Variants in SDAD1 observed in about 807,000 individuals in gnomAD.
SDAD1 encodes SDA1 domain containing 1.
In SDAD1, 79 loss-of-function variants were observed where a neutral mutation model predicts 100.3. The observed-to-expected ratio is 0.79, with a 90% CI of 0.66 to 0.95. The LOEUF (loss-of-function observed/expected upper bound fraction) is 0.95, where lower values mean the gene tolerates loss of function less well. Ranked by LOEUF, SDAD1 falls within the 40% of genes least tolerant of loss-of-function variation. The pLI is 0.00. For missense variants in SDAD1, 790 were observed against 810.9 expected, an observed-to-expected ratio of 0.97 and a Z score of 0.31; for synonymous variants, 267 against 271.4, an observed-to-expected ratio of 0.98 and a Z score of 0.16.
rs949090683 is a variant in SDAD1 at position 75,950,021 on chromosome 4, GAACTA to G, written c.*724_*728del. On this transcript the variant is annotated 3_prime_UTR_variant, in exon 22 of 22. Transcript: ENST00000356260. ...CCAGTATGAAGGCAGCTCAAATGATGAACTAAATATATTCCAAAGGTACTATTTAT... is the reference window on the plus strand; with the variant it reads ...CCAGTATGAAGGCAGCTCAAATGATGAATATATTCCAAAGGTACTATTTAT... 7 of 149,498 alleles carry G rather than the reference GAACTA, an allele frequency of 4.7e-5. No homozygotes were observed. Among genetic ancestry groups the G allele is most frequent in the African/African-American group, 1.7e-4 (7 of 40,498 alleles). 9.3% of individuals were successfully genotyped at this position (149,498 alleles called of 1,614,324 possible). A position where few individuals can be genotyped will look rare whatever the true frequency, so the allele number is the denominator to read the frequency against.
chr4:75,954,452 T>C lies in SDAD1; in HGVS notation c.2016+1523A>G, dbSNP rs571845485. 3.3e-5 allele frequency among the ~76,000 whole-genome samples: 5 copies of C among 151,012 alleles called. No homozygotes were observed. In the East Asian group the frequency reaches 7.8e-4, roughly 24 times the overall value. ...CTATGGGAGGCTGAGGTGGACAGAC[T>C]GCTTGAGTCCAGCAGTTTGAAACCA... On this transcript the variant is annotated intron_variant, in intron 21 of 21. Transcript: ENST00000356260.
intron 4 of SDAD1, among the ~76,000 whole-genome samples, chr4:75,977,438 A>G (rs1330736878): frequency 6.6e-6 from 1 of 152,212 alleles, no homozygotes; most frequent in Admixed American, 6.5e-5. Flanking sequence ...TGAGTAAATG[A>G]GTAAATACAC....
intron 17 of SDAD1, among the ~76,000 whole-genome samples, chr4:75,959,580 G>A (rs1729114306): frequency 6.6e-6 from 1 of 152,000 alleles, no homozygotes; most frequent in Non-Finnish European, 1.5e-5. Flanking sequence ...CTCCAGCCTG[G>A]GCAAGAGCGA....
chr4:75,961,423 T>A, intron 14 of SDAD1, 115 bp from the exon 15 acceptor site: 1 of 740,196 alleles, frequency 1.4e-6, no homozygotes, highest in Non-Finnish European at 2.2e-6. Context: ...GAGTTTTATA[T>A]AGCTTAGGTC....
At position 75,975,985 on chromosome 4, in the gene SDAD1, G is replaced by C. The variant is rs1231792938; in HGVS notation, c.416C>G (p.Thr139Arg). The change falls in exon 5 of 22, where the codon ACA becomes AGA. Residue 139 changes from threonine (T) to arginine (R), a missense_variant. Thr to Arg is a moderately conservative substitution (Grantham distance 71, BLOSUM62 -1). Coordinates refer to ENST00000356260, the MANE Select transcript of SDAD1 (RefSeq NM_018115.4). ...HDKLLRKTLY[T>R]HIVTDIKNIN... The stretch of plus-strand genomic sequence containing the variant: ...ATTCTTGATATCAGTCACAATATGT[G>C]TGTATAAAGTCTGAGGAAAAGAAAC... 2.5e-6 allele frequency: 4 copies of C among 1,596,314 alleles called. No homozygotes were observed. The highest frequency in any genetic ancestry group is 3.4e-6 in the Non-Finnish European group (4 of 1,164,420).
intron 3 of SDAD1, among the ~76,000 whole-genome samples, chr4:75,980,478 T>G (rs572339672): frequency 1.3e-5 from 2 of 152,212 alleles, no homozygotes; most frequent in Admixed American, 6.5e-5. Context: ...GTAAAGAGGT[T>G]TGAAAAGCAG....
At position 75,950,798 on chromosome 4, in the gene SDAD1, C is replaced by G. The variant is rs1202652739; in HGVS notation, c.2017-1G>C. The G allele has an allele frequency of 2.5e-6, 4 of 1,576,254 alleles. No homozygotes were observed. The Admixed American group carries it at 6.8e-5, about 27-fold the overall frequency. On this transcript the variant is annotated splice_acceptor_variant, in intron 21 of 21. Transcript: ENST00000356260. LOFTEE classifies it high-confidence loss of function. Reference sequence around the variant, plus strand: ...TCAAAAGTGCATCTCGTAGTGCCAACTGTAAGATAAAAAAGTATTGAAACA... The same window carrying G: ...TCAAAAGTGCATCTCGTAGTGCCAAGTGTAAGATAAAAAAGTATTGAAACA...
At chr4:75,959,985 T>C in intron 17 of SDAD1, 81 bp downstream of exon 17, 1 of 1,410,528 alleles carries the variant, frequency 7.1e-7, no homozygotes, top group South Asian at 1.5e-5. Flanking sequence ...TGAATGAATG[T>C]TCAAATAGTA....
chr4:75,983,647 C>T (rs560406534), intron 1 of SDAD1, among the ~76,000 whole-genome samples: 53 of 149,520 alleles, frequency 3.5e-4, no homozygotes, highest in Admixed American at 1.1e-3. Flanking sequence ...TTTTTTTTTT[C>T]TTGTAAATTT....
rs35320227 is a variant in SDAD1, at chr4:75,984,778, AACACAC to A, written c.91-2747_91-2742del. On this transcript the variant is annotated intron_variant, in intron 1 of 21. Coordinates refer to ENST00000356260, the MANE Select transcript of SDAD1 (RefSeq NM_018115.4). ...TATGTGACATACACACACACACACA[AACACAC>A]ACACACACACACACACACACACACA... is the stretch of plus-strand genomic sequence containing the variant. 1.5e-3 allele frequency among the ~76,000 whole-genome samples: 204 copies of A among 137,026 alleles called. 1 individual carries two copies. The highest frequency in any genetic ancestry group is 3.7e-3 in the Middle Eastern group (1 of 268). 89.9% of individuals were successfully genotyped at this position (137,026 alleles called of 152,430 possible).
chr4:75,976,672 C>T (rs890275716), intron 4 of SDAD1, among the ~76,000 whole-genome samples: 1 of 151,980 alleles, frequency 6.6e-6, no homozygotes, highest in African/African-American at 2.4e-5. Flanking sequence ...TGTGAATACA[C>T]TAAAAAACAC....
chr4:75,968,759 C>T lies in SDAD1; in HGVS notation c.987+537G>A, dbSNP rs1228175251. ...GTAAAAAAGCAGAACAGGCCAGGTG[C>T]GGTGGCTCATGCCTATAATCCCAGC... is the stretch of plus-strand genomic sequence containing the variant. On this transcript the variant is annotated intron_variant, in intron 11 of 21. Transcript: ENST00000356260. Among the ~76,000 whole-genome samples the T allele has an allele frequency of 3.9e-5, 6 of 152,132 alleles. No individual in the cohort carries two copies. In the East Asian group the frequency reaches 5.8e-4, roughly 15 times the overall value.
At chr4:75,980,408 T>A (rs1730429659) in intron 3 of SDAD1, among the ~76,000 whole-genome samples, 1 of 152,276 alleles carries the variant, frequency 6.6e-6, no homozygotes, top group Non-Finnish European at 1.5e-5. Context: ...TTGGCATTTC[T>A]ACAAGTTGTG....
At chr4:75,956,537 G>A (rs1450607388) in intron 20 of SDAD1, among the ~76,000 whole-genome samples, 1 of 152,018 alleles carries the variant, frequency 6.6e-6, no homozygotes, top group Non-Finnish European at 1.5e-5. Flanking sequence ...GACAGAGGAT[G>A]AGGTGGAACT....
intron 3 of SDAD1, chr4:75,980,981 T>G (rs1252981355): frequency 6.1e-6 from 1 of 165,058 alleles, no homozygotes; most frequent in African/African-American, 2.4e-5. Context: ...TTTACTAATT[T>G]AAGGCATTAT....
chr4:75,975,246 CAAT>C (rs1257200101), intron 6 of SDAD1, among the ~76,000 whole-genome samples: 1 of 151,906 alleles, frequency 6.6e-6, no homozygotes, highest in East Asian at 1.9e-4. Flanking sequence ...AAATGTTAGT[CAAT>C]AAGAAAAGCA....
At chr4:75,978,364 T>C (rs1730277673) in intron 3 of SDAD1, among the ~76,000 whole-genome samples, 1 of 151,606 alleles carries the variant, frequency 6.6e-6, no homozygotes, top group Non-Finnish European at 1.5e-5. Flanking sequence ...CTATTTTTTT[T>C]TTTTTTTCTA....
Position 75,969,419 on chromosome 4 carries a change from A to C in SDAD1, c.884-20T>G. 2 of 1,542,574 alleles carry C rather than the reference A, an allele frequency of 1.3e-6. No homozygotes were observed. The highest frequency in any genetic ancestry group is 1.8e-6 in the Non-Finnish European group (2 of 1,115,998). On this transcript the variant is annotated intron_variant, in intron 10 of 21. Transcript: ENST00000356260. ...CAAAATCTGGCAAGGAGAGGATGAA[A>C]GAAGTACATTGTGAGTCTATGGTCT...
At chr4:75,954,532 G>A (rs1437883669) in intron 21 of SDAD1, among the ~76,000 whole-genome samples, 1 of 152,138 alleles carries the variant, frequency 6.6e-6, no homozygotes, top group Non-Finnish European at 1.5e-5. Flanking sequence ...AATTAGCCGG[G>A]TGTGGTGGCA....
Sources: allele counts gnomAD v4.1 joint callset (sites outside exome capture counted in the v4.1 genomes callset), GRCh38; gene constraint gnomAD v4.1.1; transcripts MANE v1.5; gene names NCBI Gene and HGNC (gene_info 2026-07-23, HGNC 2026-07-21).